FBN2: variants seen among roughly 807,000 people sequenced by gnomAD.
FBN2 encodes fibrillin-2.
In FBN2, 105 loss-of-function variants were observed where a neutral mutation model predicts 355.6. The ratio of observed to expected loss-of-function variants is 0.30; its 90% CI spans 0.25 to 0.35. The LOEUF (loss-of-function observed/expected upper bound fraction) is 0.35. FBN2 is among the 10% of genes least tolerant of loss of function. The pLI, the probability that FBN2 is intolerant of heterozygous loss-of-function variation, is 1.00. For synonymous variants in FBN2, 1,350 were observed against 1,301.2 expected (o/e 1.04, Z -0.81); for missense variants, 3,280 against 3,758.7 (o/e 0.87, Z 3.33).
chr5:128,370,740 T>G (rs192549793), intron 15 of FBN2, among the ~76,000 whole-genome samples: 2 of 152,180 alleles, frequency 1.3e-5, no homozygotes, highest in Admixed American at 1.3e-4. Flanking sequence ...CCATGCAGAA[T>G]TTTTAAAAGC....
intron 27 of FBN2, among the ~76,000 whole-genome samples, chr5:128,337,415 G>T (rs1750871280): frequency 6.6e-6 from 1 of 152,236 alleles, no homozygotes; most frequent in Non-Finnish European, 1.5e-5. Context: ...TTTAAAGCCA[G>T]TATACTAGGA....
intron 6 of FBN2, among the ~76,000 whole-genome samples, chr5:128,459,485 CAG>C (rs1754498676): frequency 2.0e-5 from 3 of 147,662 alleles, no homozygotes; most frequent in Non-Finnish European, 4.5e-5. Flanking sequence ...CAAAACCTGG[CAG>C]AGACACAACA....
At chr5:128,308,799 G>C (rs78884882) in intron 41 of FBN2, among the ~76,000 whole-genome samples, 5 of 151,848 alleles carry the variant, frequency 3.3e-5, no homozygotes, top group Admixed American at 2.6e-4. Flanking sequence ...TGTAAAATTC[G>C]CTCATAAAAA....
chr5:128,402,943 A>G (rs1346141813), intron 8 of FBN2, among the ~76,000 whole-genome samples: 1 of 152,254 alleles, frequency 6.6e-6, no homozygotes, highest in Non-Finnish European at 1.5e-5. Context: ...TTCCTTTAAA[A>G]TAGTGAATGA....
chr5:128,338,961 A>G lies in FBN2; in HGVS notation c.3444T>C (p.Ser1148=). 1 of 1,614,076 alleles carries G rather than the reference A, an allele frequency of 6.2e-7. No individual in the cohort carries two copies. Among genetic ancestry groups the G allele is most frequent in the South Asian group, 1.1e-5 (1 of 91,072 alleles). ...FECECFEGYE[S]GFMMMKNCMD... ...TGCAGTTCTTCATCATCATGAAGCC[A>G]CTTTCATAGCCTTCGAAGCACTCGC... The change falls in exon 26 of 65, where the codon AGT becomes AGC. Residue 1148 remains serine, a synonymous_variant. Transcript: ENST00000262464.
chr5:128,371,509 A>C (rs12518130), intron 15 of FBN2, among the ~76,000 whole-genome samples: 16,601 of 101,618 alleles, frequency 0.16, 1,330 homozygotes, highest in African/African-American at 0.31. Flanking sequence ...CCCTCCCTCC[A>C]TCCTTCCTTC....
intron 54 of FBN2, 84 bp from the exon 55 acceptor site, chr5:128,286,933 C>A: frequency 7.7e-7 from 1 of 1,302,242 alleles, no homozygotes; most frequent in Non-Finnish European, 1.1e-6. Flanking sequence ...TCTTCTGACA[C>A]TTAACATGTA....
intron 15 of FBN2, among the ~76,000 whole-genome samples, chr5:128,373,431 A>C (rs1162977110): frequency 6.6e-6 from 1 of 152,182 alleles, no homozygotes; most frequent in Non-Finnish European, 1.5e-5. Flanking sequence ...AGAGTGGATA[A>C]ATTTGAGTGA....
At chr5:128,374,525 T>C in intron 15 of FBN2, 103 bp downstream of exon 15, 1 of 1,476,992 alleles carries the variant, frequency 6.8e-7, no homozygotes, top group Non-Finnish European at 9.4e-7. Flanking sequence ...TTTTAGCATG[T>C]ACTCTTCTTA....
chr5:128,504,985 A>T (rs988304040), intron 5 of FBN2, among the ~76,000 whole-genome samples: 3 of 152,166 alleles, frequency 2.0e-5, no homozygotes, highest in African/African-American at 7.2e-5. Context: ...TACTGTTCTC[A>T]TGGTAGTGAA....
intron 36 of FBN2, among the ~76,000 whole-genome samples, chr5:128,317,460 C>T (rs1232361343): frequency 1.3e-5 from 2 of 152,118 alleles, no homozygotes; most frequent in African/African-American, 4.8e-5. Context: ...GCAAATATTC[C>T]TTCCATTTGC....
chr5:128,262,082 T>C (rs1764989842), intron 63 of FBN2, among the ~76,000 whole-genome samples, 175 bp from the exon 64 acceptor site: 1 of 152,220 alleles, frequency 6.6e-6, no homozygotes, highest in Non-Finnish European at 1.5e-5. Flanking sequence ...GACAGGGTCT[T>C]GCTCTGTTTC....
intron 48 of FBN2, among the ~76,000 whole-genome samples, chr5:128,300,151 T>A (rs967028192): frequency 6.6e-6 from 1 of 152,204 alleles, no homozygotes; most frequent in Admixed American, 6.5e-5. Flanking sequence ...ATCCTTAGCA[T>A]CTTTTCACGT....
In FBN2 at chr5:128,312,750, TCTC is replaced by T. The variant is rs2126847728; in HGVS notation, c.4760_4762del (p.Gly1587del). 1 of 1,613,368 alleles carries T rather than the reference TCTC, an allele frequency of 6.2e-7. No individual in the cohort carries two copies. Among genetic ancestry groups the T allele is most frequent in the Non-Finnish European group, 8.5e-7 (1 of 1,179,824 alleles). On this transcript the variant is annotated inframe_deletion, in exon 37 of 65. Transcript: ENST00000262464. ...CTCGGTGTTGCAAGACAGACTCCCA[TCTC>T]CTCGAGGTCCAAACTTCAGGTAGCA...
intron 7 of FBN2, among the ~76,000 whole-genome samples, chr5:128,428,213 CTTA>C (rs1753530985): frequency 6.6e-6 from 1 of 152,144 alleles, no homozygotes; most frequent in South Asian, 2.1e-4. Context: ...CACTTGTTCC[CTTA>C]TTATCTTGTT....
At chr5:128,268,850 A>G (rs1246927573) in intron 62 of FBN2, among the ~76,000 whole-genome samples, 1 of 152,168 alleles carries the variant, frequency 6.6e-6, no homozygotes, top group African/African-American at 2.4e-5. Context: ...AACTTAATAA[A>G]CTAGATATTG....
At chr5:128,284,824 T>C (rs1055256609) in intron 55 of FBN2, among the ~76,000 whole-genome samples, 1 of 152,196 alleles carries the variant, frequency 6.6e-6, no homozygotes, top group Admixed American at 6.5e-5. Context: ...ATCCCAGTAT[T>C]TTCTCCTTTG....
intron 48 of FBN2, among the ~76,000 whole-genome samples, chr5:128,297,930 C>T (rs1234583730): frequency 6.6e-6 from 1 of 151,550 alleles, no homozygotes; most frequent in Non-Finnish European, 1.5e-5. Flanking sequence ...TCTTCCTAGT[C>T]TCGATGGTCT....
At position 128,345,482 on chromosome 5, in the gene FBN2, G is replaced by T. The variant is rs754884110; in HGVS notation, c.3092C>A (p.Ala1031Glu). The T allele has an allele frequency of 2.5e-6, 4 of 1,614,118 alleles. No individual in the cohort carries two copies. In the East Asian group the frequency reaches 8.9e-5, roughly 36 times the overall value. The change falls in exon 24 of 65, where the codon GCG (alanine) becomes GAG (glutamate). Residue 1031 changes from alanine (A) to glutamate (E), a missense_variant. Physicochemically the swap from Ala to Glu is moderately radical, Grantham distance 107 (BLOSUM62 -1). Coordinates refer to ENST00000262464, the MANE Select transcript of FBN2 (RefSeq NM_001999.4). ...CTCCTCACACTCGGTGCCCCAAGCC[G>T]CCCCGACAGCACAGCAGCAGGCATC... ...RMDACCCAVGAAWGTECEECP... is the reference protein window; with the variant it reads ...RMDACCCAVGEAWGTECEECP...
Sources: allele counts gnomAD v4.1 joint callset (sites outside exome capture counted in the v4.1 genomes callset), GRCh38; gene constraint gnomAD v4.1.1; transcripts MANE v1.5; gene names NCBI Gene and HGNC (gene_info 2026-07-23, HGNC 2026-07-21).